Variants in MAGI1 observed in about 807,000 individuals in gnomAD.
MAGI1 encodes the protein membrane-associated guanylate kinase, WW and PDZ domain-containing protein 1.
A neutral mutation model predicts 139.9 loss-of-function variants in MAGI1; 58 were observed. The observed-to-expected ratio is 0.41, with a 90% CI of 0.34 to 0.52. The LOEUF is 0.52. Ranked by LOEUF, MAGI1 falls within the 20% of genes least tolerant of loss-of-function variation. The probability of loss-of-function intolerance (pLI) is 0.12; values close to 1 mark genes in which losing one functional copy is unlikely to be tolerated. For synonymous variants in MAGI1, 812 were observed against 737.9 expected (o/e 1.10, Z -1.63); for missense variants, 1,874 against 1,901.6 (o/e 0.99, Z 0.27).
intron 1 of MAGI1, among the ~76,000 whole-genome samples, chr3:65,747,694 C>A (rs1307639486): frequency 6.6e-6 from 1 of 152,052 alleles, no homozygotes; most frequent in Non-Finnish European, 1.5e-5. Context: ...AAATGTCCCA[C>A]AATAATGCAA....
chr3:65,517,735 C>T (rs1243008671), intron 2 of MAGI1, among the ~76,000 whole-genome samples: 6 of 152,216 alleles, frequency 3.9e-5, no homozygotes, highest in Non-Finnish European at 5.9e-5. Flanking sequence ...CACAGGGATC[C>T]CTCCTCTGAG....
chr3:65,489,700 G>A (rs890216060), intron 3 of MAGI1, among the ~76,000 whole-genome samples: 1 of 152,174 alleles, frequency 6.6e-6, no homozygotes, highest in Non-Finnish European at 1.5e-5. Flanking sequence ...GATCTCCAGG[G>A]TATGTTAAGG....
chr3:65,459,206 C>G (rs192970501), intron 5 of MAGI1, among the ~76,000 whole-genome samples: 1 of 152,194 alleles, frequency 6.6e-6, no homozygotes, highest in African/African-American at 2.4e-5. Context: ...TACTACATCT[C>G]TGTACTATTA....
chr3:65,466,888 G>C (rs1950208867), intron 5 of MAGI1, among the ~76,000 whole-genome samples: 1 of 152,208 alleles, frequency 6.6e-6, no homozygotes, highest in Non-Finnish European at 1.5e-5. Flanking sequence ...TGGGGCGTAG[G>C]ACCACAGGTT....
chr3:65,723,911 A>T (rs1323295005), intron 1 of MAGI1, among the ~76,000 whole-genome samples: 1 of 152,214 alleles, frequency 6.6e-6, no homozygotes, highest in East Asian at 1.9e-4. Flanking sequence ...TGTGGAAATT[A>T]GCATGTTTGG....
intron 1 of MAGI1, among the ~76,000 whole-genome samples, chr3:66,016,076 A>G (rs1259351710): frequency 6.6e-6 from 1 of 152,174 alleles, no homozygotes; most frequent in Non-Finnish European, 1.5e-5. Flanking sequence ...ATAAAAACCC[A>G]GAGTGTTAAA....
At position 65,864,750 on chromosome 3, in the gene MAGI1, G is replaced by A. The variant is rs918555218; in HGVS notation, c.313+173246C>T. ...ACCAGGTGGCTCTTCATGGCCATTC[G>A]ACAGAAATATTAGACTAATATGGAA... On this transcript the variant is annotated intron_variant, in intron 1 of 22. Transcript: ENST00000402939. Among the ~76,000 whole-genome samples the A allele has an allele frequency of 5.3e-5, 8 of 152,194 alleles. No individual in the cohort carries two copies. In the East Asian group the frequency reaches 5.8e-4, roughly 11 times the overall value.
intron 1 of MAGI1, among the ~76,000 whole-genome samples, chr3:65,744,239 T>G (rs1179296673): frequency 6.6e-6 from 1 of 152,216 alleles, no homozygotes; most frequent in African/African-American, 2.4e-5. Flanking sequence ...TATCAGAGAA[T>G]TTTAGGACCA....
intron 5 of MAGI1, among the ~76,000 whole-genome samples, chr3:65,459,227 G>A (rs1485453353): frequency 6.6e-6 from 1 of 152,164 alleles, no homozygotes; most frequent in Non-Finnish European, 1.5e-5. Flanking sequence ...TTTGAAGTCA[G>A]GTAATGTACT....
At chr3:65,631,459 C>G (rs987086919) in intron 1 of MAGI1, among the ~76,000 whole-genome samples, 6 of 152,166 alleles carry the variant, frequency 3.9e-5, no homozygotes, top group African/African-American at 1.4e-4. Context: ...TCATCACAAC[C>G]TATTTAACCT....
At chr3:65,571,177 C>T (rs540641146) in intron 2 of MAGI1, among the ~76,000 whole-genome samples, 3 of 152,172 alleles carry the variant, frequency 2.0e-5, no homozygotes, top group East Asian at 3.9e-4. Context: ...TAGGGATTAA[C>T]GGCTTGGAAA....
intron 1 of MAGI1, among the ~76,000 whole-genome samples, chr3:65,662,140 A>G (rs2086235908): frequency 6.6e-6 from 1 of 152,234 alleles, no homozygotes; most frequent in South Asian, 2.1e-4. Context: ...GAAGTGGAAT[A>G]AACCACAAGG....
rs2089176354 is a variant in MAGI1 at position 65,696,245 on chromosome 3, T to C, written c.314-74157A>G. Among the ~76,000 whole-genome samples, 3 of 152,198 alleles carry C rather than the reference T, an allele frequency of 2.0e-5. No individual in the cohort carries two copies. The South Asian group carries it at 6.2e-4, about 32-fold the overall frequency. On this transcript the variant is annotated intron_variant, in intron 1 of 22. Coordinates refer to ENST00000402939, the MANE Select transcript of MAGI1 (RefSeq NM_001033057.2). The stretch of plus-strand genomic sequence containing the variant: ...AAGGAGGCCTTCCCTGCTCACCCTA[T>C]GTAAAGAAACCCTCTGTCTCCATCA...
At chr3:66,033,826 G>A (rs556828714) in intron 1 of MAGI1, among the ~76,000 whole-genome samples, 1 of 152,284 alleles carries the variant, frequency 6.6e-6, no homozygotes, top group African/African-American at 2.4e-5. Flanking sequence ...AGCATGACCT[G>A]TAATACACCA....
intron 2 of MAGI1, among the ~76,000 whole-genome samples, chr3:65,573,299 C>A (rs2081039161): frequency 6.6e-6 from 1 of 151,696 alleles, no homozygotes; most frequent in Admixed American, 6.6e-5. Flanking sequence ...TGCAAAAATT[C>A]TAAATAAAAA....
At chr3:65,451,381 T>C (rs531104645) in intron 6 of MAGI1, among the ~76,000 whole-genome samples, 4 of 152,290 alleles carry the variant, frequency 2.6e-5, no homozygotes, top group Admixed American at 6.5e-5. Context: ...TATTGTTCCA[T>C]GAAATTTTAG....
At chr3:65,493,744 T>C (rs1952223189) in intron 2 of MAGI1, 113 bp from the exon 3 acceptor site, 2 of 1,213,504 alleles carry the variant, frequency 1.6e-6, no homozygotes, top group African/African-American at 1.5e-5. Flanking sequence ...CCTAAGACTC[T>C]GCTGCCTCAT....
intron 5 of MAGI1, among the ~76,000 whole-genome samples, chr3:65,458,607 T>C (rs985940495): frequency 6.6e-6 from 1 of 152,190 alleles, no homozygotes; most frequent in Non-Finnish European, 1.5e-5. Flanking sequence ...TCTGGAGTCT[T>C]CTTTTGAGAA....
At chr3:65,761,115 A>T (rs908462165) in intron 1 of MAGI1, among the ~76,000 whole-genome samples, 21 of 152,190 alleles carry the variant, frequency 1.4e-4, no homozygotes, top group Admixed American at 2.0e-4. Context: ...GCAGCTGAAC[A>T]ACTTATGTGA....
Sources: allele counts gnomAD v4.1 joint callset (sites outside exome capture counted in the v4.1 genomes callset), GRCh38; gene constraint gnomAD v4.1.1; transcripts MANE v1.5; gene names NCBI Gene and HGNC (gene_info 2026-07-23, HGNC 2026-07-21).